Variants in FHIT observed in about 807,000 individuals in gnomAD.
FHIT encodes fragile histidine triad diadenosine triphosphatase.
FHIT carries 19 observed loss-of-function variants against 17.9 expected under a neutral mutation model. The observed-to-expected ratio is 1.06, with a 90% CI of 0.74 to 1.56. FHIT has a LOEUF of 1.56. FHIT is among the 40% of genes most tolerant of loss of function. The probability of loss-of-function intolerance (pLI) is 0.00; values close to 1 mark genes in which losing one functional copy is unlikely to be tolerated. For missense variants in FHIT, 248 were observed against 189.2 expected (o/e 1.31, Z -1.82); for synonymous variants, 81 against 69.7 (o/e 1.16, Z -0.81).
chr3:60,098,434 T>A (rs1185863743), intron 5 of FHIT, among the ~76,000 whole-genome samples: 12 of 151,822 alleles, frequency 7.9e-5, no homozygotes, highest in African/African-American at 2.7e-4. Flanking sequence ...GGTATCTCAT[T>A]GTGGTTTTGA....
chr3:61,191,692 A>C (rs1019481445), intron 2 of FHIT, among the ~76,000 whole-genome samples: 6 of 152,176 alleles, frequency 3.9e-5, no homozygotes, highest in African/African-American at 1.4e-4. Flanking sequence ...AAGGGTTAAC[A>C]GCTGCTCTGA....
intron 4 of FHIT, among the ~76,000 whole-genome samples, chr3:60,618,868 A>G (rs2039031419): frequency 6.6e-6 from 1 of 152,134 alleles, no homozygotes; most frequent in Non-Finnish European, 1.5e-5. Flanking sequence ...GAGGCTTTGA[A>G]GAAGGAAGGG....
chr3:59,784,865 G>C (rs1328550104), intron 8 of FHIT, among the ~76,000 whole-genome samples: 1 of 151,990 alleles, frequency 6.6e-6, no homozygotes, highest in Non-Finnish European at 1.5e-5. Flanking sequence ...GTCTGTTCTG[G>C]CACTACTATA....
chr3:61,085,613 T>A lies in FHIT; in HGVS notation c.-163-43514A>T, dbSNP rs2035281941. On this transcript the variant is annotated intron_variant, in intron 2 of 9. Transcript: ENST00000492590. ...TAGTGTCCTTAAATAACTCACGTTTTAAAATGTTATGAAGTTCAATTTATC... is the reference window on the plus strand; with the variant it reads ...TAGTGTCCTTAAATAACTCACGTTTAAAAATGTTATGAAGTTCAATTTATC... Among the ~76,000 whole-genome samples the A allele has an allele frequency of 2.0e-5, 3 of 152,152 alleles. No individual in the cohort carries two copies. In the South Asian group the frequency reaches 6.2e-4, roughly 31 times the overall value.
chr3:59,790,141 G>C (rs1252606521), intron 8 of FHIT, among the ~76,000 whole-genome samples: 1 of 152,164 alleles, frequency 6.6e-6, no homozygotes, highest in East Asian at 1.9e-4. Context: ...ACAAGATTGG[G>C]TACAAAATAG....
intron 5 of FHIT, among the ~76,000 whole-genome samples, chr3:60,226,815 T>C (rs1704231540): frequency 6.6e-6 from 1 of 152,174 alleles, no homozygotes; most frequent in Admixed American, 6.5e-5. Flanking sequence ...CATCTATCTG[T>C]GGACACTGAT....
intron 5 of FHIT, among the ~76,000 whole-genome samples, chr3:60,249,528 G>A (rs17062609): frequency 0.033 from 4,593 of 140,172 alleles, 226 homozygotes; most frequent in African/African-American, 0.11. Context: ...GGACCAATAA[G>A]GATGAAGGAT....
chr3:60,937,950 C>G (rs142557585), intron 3 of FHIT, among the ~76,000 whole-genome samples: 1 of 152,088 alleles, frequency 6.6e-6, no homozygotes, highest in Admixed American at 6.6e-5. Flanking sequence ...CAATCCCTGT[C>G]GCTGGAACAA....
At chr3:60,320,316 T>C (rs1019842994) in intron 5 of FHIT, among the ~76,000 whole-genome samples, 1 of 152,148 alleles carries the variant, frequency 6.6e-6, no homozygotes, top group Non-Finnish European at 1.5e-5. Flanking sequence ...GGCAGCGTTA[T>C]TGTGACTAGG....
chr3:60,865,291 A>C (rs1274114209), intron 3 of FHIT, among the ~76,000 whole-genome samples: 1 of 152,186 alleles, frequency 6.6e-6, no homozygotes, highest in Non-Finnish European at 1.5e-5. Context: ...AAATAAGGTA[A>C]AATTAAATAA....
chr3:60,775,636 A>T (rs565448296), intron 4 of FHIT, among the ~76,000 whole-genome samples: 2 of 152,272 alleles, frequency 1.3e-5, no homozygotes, highest in Non-Finnish European at 2.9e-5. Context: ...TTGGCGCCCA[A>T]CGTGGGGACT....
intron 5 of FHIT, among the ~76,000 whole-genome samples, chr3:60,138,502 T>A (rs1265693121): frequency 6.6e-6 from 1 of 152,192 alleles, no homozygotes; most frequent in African/African-American, 2.4e-5. Flanking sequence ...CACAAGTTAA[T>A]AATAACCTTT....
chr3:60,570,791 G>T (rs1004892607), intron 4 of FHIT, among the ~76,000 whole-genome samples: 3 of 146,746 alleles, frequency 2.0e-5, no homozygotes, highest in Non-Finnish European at 4.5e-5. Flanking sequence ...ATGGCACAGT[G>T]TTGACAAATA....
chr3:60,803,261 T>G (rs1189073110), intron 4 of FHIT, among the ~76,000 whole-genome samples: 3 of 152,172 alleles, frequency 2.0e-5, no homozygotes, highest in African/African-American at 7.2e-5. Flanking sequence ...GCATGATCTG[T>G]GAGCATGAGT....
intron 3 of FHIT, among the ~76,000 whole-genome samples, chr3:61,040,374 A>C (rs2033449258): frequency 6.6e-6 from 1 of 152,244 alleles, no homozygotes; most frequent in Non-Finnish European, 1.5e-5. Flanking sequence ...TATTTTGCAC[A>C]AAGAGCAATT....
chr3:60,089,253 C>T (rs1307411375), intron 5 of FHIT, among the ~76,000 whole-genome samples: 2 of 152,164 alleles, frequency 1.3e-5, no homozygotes, highest in Non-Finnish European at 2.9e-5. Flanking sequence ...CTTCATGACA[C>T]ATTTATTTTC....
intron 5 of FHIT, among the ~76,000 whole-genome samples, chr3:60,407,253 T>A (rs941289610): frequency 3.9e-5 from 6 of 152,008 alleles, no homozygotes; most frequent in Non-Finnish European, 7.4e-5. Flanking sequence ...TTAATCCACC[T>A]TGTGCTTCGG....
intron 8 of FHIT, among the ~76,000 whole-genome samples, chr3:59,869,500 T>C (rs535859144): frequency 6.9e-6 from 1 of 145,820 alleles, no homozygotes; most frequent in Non-Finnish European, 1.5e-5. Flanking sequence ...TTTTTTTTTT[T>C]AGACAGAGTC....
intron 5 of FHIT, among the ~76,000 whole-genome samples, chr3:60,138,071 T>A (rs926608079): frequency 6.6e-6 from 1 of 152,216 alleles, no homozygotes; most frequent in African/African-American, 2.4e-5. Flanking sequence ...ATGAGAAGAC[T>A]GAAGTTTACT....
Sources: allele counts gnomAD v4.1 joint callset (sites outside exome capture counted in the v4.1 genomes callset), GRCh38; gene constraint gnomAD v4.1.1; transcripts MANE v1.5; gene names NCBI Gene and HGNC (gene_info 2026-07-23, HGNC 2026-07-21).